MRAP2: variants seen among roughly 807,000 people sequenced by gnomAD.
MRAP2 encodes melanocortin-2 receptor accessory protein 2.
A neutral mutation model predicts 17.4 loss-of-function variants in MRAP2; 20 were observed. The observed-to-expected ratio is 1.15, with a 90% CI of 0.81 to 1.67. The LOEUF is 1.67. Ranked by LOEUF, MRAP2 falls within the 40% of genes most tolerant of loss-of-function variation. The pLI, the probability that MRAP2 is intolerant of heterozygous loss-of-function variation, is 0.00. For missense variants in MRAP2, 238 were observed against 240.0 expected (o/e 0.99, Z 0.05); for synonymous variants, 96 against 88.4 (o/e 1.09, Z -0.48).
the MRAP2 span, among the ~76,000 whole-genome samples, chr6:84,097,038 T>C: frequency 1.3e-5 from 2 of 152,218 alleles, no homozygotes; most frequent in Non-Finnish European, 2.9e-5. Flanking sequence ...GAGGTCTAAG[T>C]GATCCTTTAA....
intron 1 of MRAP2, among the ~76,000 whole-genome samples, chr6:84,042,162 C>A (rs1381838075): frequency 6.6e-6 from 1 of 152,156 alleles, no homozygotes; most frequent in Non-Finnish European, 1.5e-5. Context: ...GGCTTTCCCC[C>A]TTTTGCTCAC....
chr6:84,076,697 G>C (rs140402893), intron 3 of MRAP2, among the ~76,000 whole-genome samples: 77 of 152,268 alleles, frequency 5.1e-4, no homozygotes, highest in African/African-American at 1.8e-3. Flanking sequence ...GGAAGTGACT[G>C]CTGGAAATAT....
chr6:84,057,357 A>G (rs1055580970), intron 2 of MRAP2, among the ~76,000 whole-genome samples: 2 of 152,230 alleles, frequency 1.3e-5, no homozygotes, highest in Non-Finnish European at 2.9e-5. Flanking sequence ...GCGGACAGGA[A>G]TGACCATAAC....
At chr6:84,041,424 T>A (rs1298147468) in intron 1 of MRAP2, among the ~76,000 whole-genome samples, 2 of 152,230 alleles carry the variant, frequency 1.3e-5, no homozygotes, top group Non-Finnish European at 2.9e-5. Flanking sequence ...GGGCACTGCC[T>A]AGTGGAGTTC....
chr6:84,104,483 A>C, the MRAP2 span, among the ~76,000 whole-genome samples: 15 of 152,300 alleles, frequency 9.8e-5, no homozygotes, highest in Admixed American at 5.2e-4. Context: ...TTAGGCTACA[A>C]ATTTTTACAA....
Position 84,055,382 on chromosome 6 carries a change from A to G in MRAP2, c.64A>G (p.Thr22Ala), listed in dbSNP as rs1226440683. ...SQQSASNSDY[T>A]WEYEYYEIGP... ...GCAATCGGCATCTAATTCTGATTAC[A>G]CCTGGGAATATGAATATTATGAGAT... The change falls in exon 2 of 4, where the codon ACC becomes GCC. Residue 22 changes from threonine (T) to alanine (A), a missense_variant. Physicochemically the swap from Thr to Ala is moderately conservative, Grantham distance 58. Coordinates refer to ENST00000257776, the MANE Select transcript of MRAP2 (RefSeq NM_138409.4). 2.5e-6 allele frequency: 4 copies of G among 1,613,228 alleles called. No individual in the cohort carries two copies. The Admixed American group carries it at 6.7e-5, about 27-fold the overall frequency.
chr6:84,120,697 A>G, the MRAP2 span, among the ~76,000 whole-genome samples: 1 of 152,180 alleles, frequency 6.6e-6, no homozygotes, highest in African/African-American at 2.4e-5. Context: ...GTGTTCCAGA[A>G]CCAGACATTG....
chr6:84,069,546 G>C (rs2497145), intron 3 of MRAP2, among the ~76,000 whole-genome samples: 36,474 of 151,926 alleles, frequency 0.24, 5,613 homozygotes, highest in African/African-American at 0.44. Flanking sequence ...ATATCGGTCT[G>C]TAGTTTTCTT....
the MRAP2 span, chr6:84,124,480 A>G: frequency 6.5e-6 from 1 of 152,724 alleles, no homozygotes; most frequent in South Asian, 2.1e-4. Context: ...GACATAAAAA[A>G]TAAAATATTG....
At chr6:84,078,140 A>G (rs974827765) in intron 3 of MRAP2, among the ~76,000 whole-genome samples, 2 of 152,316 alleles carry the variant, frequency 1.3e-5, no homozygotes, top group African/African-American at 2.4e-5. Flanking sequence ...AAAAAAATTG[A>G]TAAACAACTG....
Position 84,062,962 on chromosome 6 carries a change from T to C in MRAP2, c.197T>C (p.Leu66Ser), listed in dbSNP as rs781490154. The C allele has an allele frequency of 5.0e-6, 8 of 1,614,186 alleles. No homozygotes were observed. Among genetic ancestry groups the C allele is most frequent in the Non-Finnish European group, 2.5e-6 (3 of 1,180,018 alleles). The part of the protein sequence containing the change: ...FVIFMFFVLT[L>S]LTKTGAPHQD... ...ATTTTTATGTTTTTTGTGCTGACCT[T>C]GCTGACCAAGACAGGAGCCCCACAC... The change falls in exon 3 of 4, where the codon TTG (leucine) becomes TCG (serine). Residue 66 changes from leucine (L) to serine (S), a missense_variant. By Grantham distance (145) the Leu-to-Ser change is moderately radical (BLOSUM62 -2). Coordinates refer to ENST00000257776, the MANE Select transcript of MRAP2 (RefSeq NM_138409.4).
the MRAP2 span, among the ~76,000 whole-genome samples, chr6:84,108,142 A>C: frequency 6.6e-6 from 1 of 152,130 alleles, no homozygotes; most frequent in Non-Finnish European, 1.5e-5. Context: ...CTAAATATAT[A>C]TTTAATATAT....
the MRAP2 span, chr6:84,125,263 G>A: frequency 6.2e-7 from 1 of 1,612,768 alleles, no homozygotes; most frequent in Non-Finnish European, 8.5e-7. Context: ...TACTTGGTGT[G>A]TTTGCTGTAT....
chr6:84,043,760 A>G (rs1478219035), intron 1 of MRAP2, among the ~76,000 whole-genome samples: 1 of 152,172 alleles, frequency 6.6e-6, no homozygotes, highest in Non-Finnish European at 1.5e-5. Flanking sequence ...CTTTAAGAGC[A>G]CAGTCCACAG....
At chr6:84,064,215 T>A (rs73752623) in intron 3 of MRAP2, among the ~76,000 whole-genome samples, 3,341 of 147,722 alleles carry the variant, frequency 0.023, 117 homozygotes, top group African/African-American at 0.078. Context: ...AACCCTGGAG[T>A]CTGCTGAGAG....
the MRAP2 span, chr6:84,124,916 T>C: frequency 6.1e-6 from 4 of 654,554 alleles, no homozygotes; most frequent in East Asian, 1.1e-4. Context: ...TTTTTCTTAT[T>C]GGTTAAAGGC....
chr6:84,077,644 A>G (rs1031013341), intron 3 of MRAP2, among the ~76,000 whole-genome samples: 3 of 152,224 alleles, frequency 2.0e-5, no homozygotes, highest in Non-Finnish European at 4.4e-5. Context: ...ATTGTTAACT[A>G]TTCTATTTTT....
At chr6:84,072,710 G>A (rs1201452251) in intron 3 of MRAP2, among the ~76,000 whole-genome samples, 1 of 152,114 alleles carries the variant, frequency 6.6e-6, no homozygotes, top group Non-Finnish European at 1.5e-5. Context: ...GCAAGGCTAG[G>A]CGTGTCTGAG....
chr6:84,119,926 T>C, the MRAP2 span, among the ~76,000 whole-genome samples: 1 of 152,168 alleles, frequency 6.6e-6, no homozygotes, highest in African/African-American at 2.4e-5. Context: ...GCCACAAATC[T>C]CTATTAGTCA....
Sources: allele counts gnomAD v4.1 joint callset (sites outside exome capture counted in the v4.1 genomes callset), GRCh38; gene constraint gnomAD v4.1.1; transcripts MANE v1.5; gene names NCBI Gene and HGNC (gene_info 2026-07-23, HGNC 2026-07-21).